PDE3B: variants seen among roughly 807,000 people sequenced by gnomAD.
PDE3B encodes the protein cGMP-inhibited 3',5'-cyclic phosphodiesterase 3B.
PDE3B carries 66 observed loss-of-function variants against 116.8 expected under a neutral mutation model. The observed-to-expected ratio is 0.56, with a 90% CI of 0.46 to 0.69. The LOEUF (loss-of-function observed/expected upper bound fraction) is 0.69, where lower values mean the gene tolerates loss of function less well. PDE3B is among the 30% of genes least tolerant of loss of function. The probability of loss-of-function intolerance (pLI) is 0.00; values close to 1 mark genes in which losing one functional copy is unlikely to be tolerated. For synonymous variants in PDE3B, 595 were observed against 533.6 expected (o/e 1.12, Z -1.59); for missense variants, 1,384 against 1,368.1 (o/e 1.01, Z -0.18).
chr11:14,884,225 T>A, the PDE3B span, among the ~76,000 whole-genome samples: 1 of 151,940 alleles, frequency 6.6e-6, no homozygotes, highest in African/African-American at 2.4e-5. Flanking sequence ...TAAAGACACA[T>A]GCACACATAT....
intron 1 of PDE3B, among the ~76,000 whole-genome samples, chr11:14,710,079 A>G (rs1426809103): frequency 5.9e-5 from 9 of 152,168 alleles, no homozygotes; most frequent in Admixed American, 5.2e-4. Flanking sequence ...TATAGAAGAG[A>G]TGAATGAGCA....
chr11:14,701,540 C>A (rs1590072247), intron 1 of PDE3B, among the ~76,000 whole-genome samples: 1 of 151,758 alleles, frequency 6.6e-6, no homozygotes, highest in South Asian at 2.1e-4. Flanking sequence ...ACTCCAAAAG[C>A]AATTACTCCT....
rs1309139350 is a variant in PDE3B at position 14,644,406 on chromosome 11, CTGCTGAGCGTGTG to C, written c.333_345del (p.Leu112ArgfsTer4). The C allele has an allele frequency of 6.2e-7, 1 of 1,608,846 alleles. No homozygotes were observed. The highest frequency in any genetic ancestry group is 8.5e-7 in the Non-Finnish European group (1 of 1,178,100). ...TGCCGGGGCCGCCTGGCTGCGGACG[CTGCTGAGCGTGTG>C]TTCGCACAGCTTGAGCCCCCTCTTC... On this transcript the variant is annotated frameshift_variant, in exon 1 of 16. Coordinates refer to ENST00000282096, the MANE Select transcript of PDE3B (RefSeq NM_000922.4). LOFTEE classifies it high-confidence loss of function.
chr11:14,706,329 T>C (rs1855534456), intron 1 of PDE3B, among the ~76,000 whole-genome samples: 1 of 151,894 alleles, frequency 6.6e-6, no homozygotes, highest in South Asian at 2.1e-4. Flanking sequence ...GCTAAATAAA[T>C]GGATTCATCT....
intron 1 of PDE3B, among the ~76,000 whole-genome samples, chr11:14,650,414 C>T (rs1565072741): frequency 6.6e-6 from 1 of 152,054 alleles, no homozygotes; most frequent in Non-Finnish European, 1.5e-5. Flanking sequence ...GCTGTGTTGC[C>T]CAGGCATGTC....
intron 1 of PDE3B, among the ~76,000 whole-genome samples, chr11:14,695,678 C>T (rs924163454): frequency 2.0e-5 from 3 of 151,958 alleles, no homozygotes; most frequent in Non-Finnish European, 4.4e-5. Context: ...CCCCACCCTC[C>T]CCCAACAGGC....
At chr11:14,837,626 A>G (rs868018776) in intron 11 of PDE3B, among the ~76,000 whole-genome samples, 1 of 152,190 alleles carries the variant, frequency 6.6e-6, no homozygotes, top group Non-Finnish European at 1.5e-5. Context: ...TCTGTTCTCA[A>G]TGACTTAGGT....
intron 2 of PDE3B, chr11:14,772,889 C>T (rs537473950): frequency 4.6e-5 from 7 of 151,836 alleles, no homozygotes; most frequent in South Asian, 2.1e-4. Context: ...TGAGTCTTGA[C>T]GTACACAAAA....
At chr11:14,653,246 C>T (rs545325238) in intron 1 of PDE3B, among the ~76,000 whole-genome samples, 25 of 152,102 alleles carry the variant, frequency 1.6e-4, no homozygotes, top group Middle Eastern at 6.8e-3. Flanking sequence ...AGAAACCTCA[C>T]GTAAAAATTT....
intron 1 of PDE3B, among the ~76,000 whole-genome samples, chr11:14,702,314 A>C (rs990611266): frequency 1.3e-5 from 2 of 151,770 alleles, no homozygotes; most frequent in Non-Finnish European, 2.9e-5. Flanking sequence ...GAGTTTATTG[A>C]TGTCATTCCT....
At chr11:14,881,590 A>G in the PDE3B span, among the ~76,000 whole-genome samples, 6 of 152,118 alleles carry the variant, frequency 3.9e-5, no homozygotes, top group Non-Finnish European at 8.8e-5. Flanking sequence ...TGATTGGATC[A>G]TAGGGGAAGA....
chr11:14,893,645 G>T, the PDE3B span, among the ~76,000 whole-genome samples: 6 of 152,144 alleles, frequency 3.9e-5, no homozygotes, highest in East Asian at 1.2e-3. Flanking sequence ...CCTCTTCAAG[G>T]CCATTAATGT....
chr11:14,725,836 T>A (rs1210350521), intron 1 of PDE3B, among the ~76,000 whole-genome samples: 1 of 151,648 alleles, frequency 6.6e-6, no homozygotes, highest in East Asian at 1.9e-4. Flanking sequence ...CCATATAATC[T>A]GGTATTCACA....
chr11:14,759,640 C>T (rs1857298798), intron 1 of PDE3B, among the ~76,000 whole-genome samples: 1 of 151,526 alleles, frequency 6.6e-6, no homozygotes. Flanking sequence ...CCTCCGCCTC[C>T]TGGGTTCAAG....
At chr11:14,655,323 G>A (rs1272998669) in intron 1 of PDE3B, among the ~76,000 whole-genome samples, 2 of 152,078 alleles carry the variant, frequency 1.3e-5, no homozygotes, top group South Asian at 4.2e-4. Context: ...AAATGTCTAT[G>A]TCTATATATA....
intron 1 of PDE3B, among the ~76,000 whole-genome samples, chr11:14,654,863 T>G (rs1245514803): frequency 1.3e-5 from 2 of 150,804 alleles, no homozygotes; most frequent in Non-Finnish European, 3.0e-5. Flanking sequence ...AGAGTAGATA[T>G]TGTGTGAATG....
chr11:14,833,921 G>A (rs1859976024), intron 10 of PDE3B, among the ~76,000 whole-genome samples: 2 of 152,258 alleles, frequency 1.3e-5, no homozygotes, highest in African/African-American at 4.8e-5. Flanking sequence ...GAGGTGGTAA[G>A]GAGTCTTCAC....
rs186465949 is a variant in PDE3B, at chr11:14,786,386, T to A, written c.1030-51T>A. The stretch of plus-strand genomic sequence containing the variant: ...AGTTAGAATTATACCATTTGTTATA[T>A]CATTTATGCCATGTACAAATGAATG... On this transcript the variant is annotated intron_variant, in intron 2 of 15. Coordinates refer to ENST00000282096, the MANE Select transcript of PDE3B (RefSeq NM_000922.4). The A allele has an allele frequency of 4.7e-4, 640 of 1,373,812 alleles. 1 individual carries two copies. Among genetic ancestry groups the A allele is most frequent in the Admixed American group, 2.1e-3 (103 of 49,972 alleles). The allele number at this position is 1,373,812 out of a possible 1,614,324, so 85.1% of individuals were successfully genotyped here. A position where few individuals can be genotyped will look rare whatever the true frequency, so the allele number is the denominator to read the frequency against.
chr11:14,730,002 G>A (rs1270581893), intron 1 of PDE3B, among the ~76,000 whole-genome samples: 3 of 152,166 alleles, frequency 2.0e-5, no homozygotes, highest in African/African-American at 7.2e-5. Flanking sequence ...CAGAATAGGA[G>A]AGGTTAGGCA....
Sources: allele counts gnomAD v4.1 joint callset (sites outside exome capture counted in the v4.1 genomes callset), GRCh38; gene constraint gnomAD v4.1.1; transcripts MANE v1.5; gene names NCBI Gene and HGNC (gene_info 2026-07-23, HGNC 2026-07-21).